PRDM16: variants seen among roughly 807,000 people sequenced by gnomAD.
The protein encoded by PRDM16 is histone-lysine N-methyltransferase PRDM16.
Under a neutral mutation model 110.6 loss-of-function variants are expected in PRDM16, and 23 were observed. The ratio of observed to expected loss-of-function variants is 0.21; its 90% CI spans 0.15 to 0.29. The LOEUF (loss-of-function observed/expected upper bound fraction) is 0.29. Ranked by LOEUF, PRDM16 falls within the 10% of genes least tolerant of loss-of-function variation. PRDM16 has a pLI of 1.00. For missense variants in PRDM16, 1,615 were observed against 1,794.3 expected, an observed-to-expected ratio of 0.90 and a Z score of 1.81; for synonymous variants, 799 against 781.8, an observed-to-expected ratio of 1.02 and a Z score of -0.37.
At chr1:3,144,074 ACT>A (rs1379143893) in intron 1 of PRDM16, among the ~76,000 whole-genome samples, 7 of 151,902 alleles carry the variant, frequency 4.6e-5, no homozygotes, top group African/African-American at 1.7e-4. Flanking sequence ...CCCTCCCATG[ACT>A]CTACAGGCCT....
intron 9 of PRDM16, among the ~76,000 whole-genome samples, chr1:3,413,592 G>A (rs1643731367): frequency 6.6e-6 from 1 of 152,200 alleles, no homozygotes; most frequent in Middle Eastern, 3.2e-3. Context: ...CAAGGAGACA[G>A]GCAGGAGACC....
intron 1 of PRDM16, among the ~76,000 whole-genome samples, chr1:3,096,063 C>T (rs1013152080): frequency 2.6e-5 from 4 of 152,152 alleles, no homozygotes. Flanking sequence ...ACAGTCCTGG[C>T]TGCCTGTCAC....
At chr1:3,205,170 C>T (rs1204723415) in intron 2 of PRDM16, among the ~76,000 whole-genome samples, 1 of 150,980 alleles carries the variant, frequency 6.6e-6, no homozygotes, top group African/African-American at 2.4e-5. Flanking sequence ...AGCCGGGGGG[C>T]CAGGGGCAGA....
rs761078027 is a variant in PRDM16 at position 3,426,076 on chromosome 1, G to A, written c.3135G>A (p.Thr1045=). The change falls in exon 14 of 17, where the codon ACG becomes ACA. Residue 1045 remains threonine (T), a synonymous_variant. Coordinates refer to ENST00000270722, the MANE Select transcript of PRDM16 (RefSeq NM_022114.4). ...TGAGCCAGCACCCCGGGGTCCTCAC[G>A]AACCACCTGGGGACCAGCGCGTCCT... ...APVSQHPGVL[T]NHLGTSASSP... is the part of the protein sequence containing the mutation. 1.4e-5 allele frequency: 22 copies of A among 1,613,434 alleles called. No homozygotes were observed. The African/African-American group carries it at 2.0e-4, about 15-fold the overall frequency.
Position 3,181,410 on chromosome 1 carries a change from GCA to G in PRDM16, c.38-4714_38-4713del, listed in dbSNP as rs200109436. ...CGGCCTTACGCATGGTCTTACACAC[GCA>G]GTCTTACACACGCGGTCTTACACAA... On this transcript the variant is annotated intron_variant, in intron 1 of 16. Transcript: ENST00000270722. Among the ~76,000 whole-genome samples the G allele has an allele frequency of 2.0e-4, 4 of 19,660 alleles. 1 individual carries two copies. The highest frequency in any genetic ancestry group is 6.3e-4 in the Non-Finnish European group (4 of 6,340). 12.9% of individuals were successfully genotyped at this position (19,660 alleles called of 152,430 possible).
chr1:3,418,328 A>G (rs2483230), intron 11 of PRDM16, among the ~76,000 whole-genome samples: 140,401 of 152,212 alleles, frequency 0.92, 64,908 homozygotes, highest in East Asian at 0.99. Context: ...AGCCTCAGCC[A>G]ATTTCTGCAG....
At chr1:3,422,021 C>G (rs1024969504) in intron 12 of PRDM16, among the ~76,000 whole-genome samples, 1 of 146,230 alleles carries the variant, frequency 6.8e-6, no homozygotes, top group Admixed American at 6.8e-5. Flanking sequence ...GGCAGGAAGG[C>G]AGACAGACAG....
At chr1:3,128,065 C>T (rs773107439) in intron 1 of PRDM16, 2 of 154,816 alleles carry the variant, frequency 1.3e-5, no homozygotes, top group Non-Finnish European at 2.9e-5. Flanking sequence ...GTATGAAAAT[C>T]TCCTCCCCTC....
chr1:3,405,300 C>T (rs191209256), intron 7 of PRDM16, among the ~76,000 whole-genome samples, 195 bp from the exon 8 acceptor site: 1 of 152,348 alleles, frequency 6.6e-6, no homozygotes, highest in Admixed American at 6.5e-5. Context: ...GCCGGGGAGG[C>T]TCTGCGGCTC....
chr1:3,336,192 T>C (rs956768996), intron 3 of PRDM16, among the ~76,000 whole-genome samples: 4 of 152,204 alleles, frequency 2.6e-5, no homozygotes, highest in African/African-American at 7.2e-5. Flanking sequence ...GACATGCATA[T>C]GTATCGGTGT....
intron 2 of PRDM16, among the ~76,000 whole-genome samples, chr1:3,225,571 T>TGCGC (rs1374895567): frequency 9.3e-6 from 1 of 107,588 alleles, no homozygotes; most frequent in African/African-American, 3.6e-5. Context: ...TGTGTGTGTG[T>TGCGC]GTGCGCGCGC....
At chr1:3,312,456 G>A (rs554337503) in intron 3 of PRDM16, among the ~76,000 whole-genome samples, 37 of 152,326 alleles carry the variant, frequency 2.4e-4, no homozygotes, top group Non-Finnish European at 4.7e-4. Context: ...GAGGCTGGCC[G>A]CCCACCCGCC....
In PRDM16 at chr1:3,157,455, G is replaced by T. The variant is rs1265196322; in HGVS notation, c.38-28670G>T. On this transcript the variant is annotated intron_variant, in intron 1 of 16. Coordinates refer to ENST00000270722, the MANE Select transcript of PRDM16 (RefSeq NM_022114.4). This position sits in a 1 kb window ranked among gnomAD's most constrained non-coding sequence, Gnocchi z 4.8. ...AAAAAAAAAAAAACACCTTTGTGGGGGCTGGGGGTTGATTGTCTCTTGAAA... is the reference window on the plus strand; with the variant it reads ...AAAAAAAAAAAAACACCTTTGTGGGTGCTGGGGGTTGATTGTCTCTTGAAA... Among the ~76,000 whole-genome samples, 1 of 150,772 alleles carries T rather than the reference G, an allele frequency of 6.6e-6. No homozygotes were observed. Among genetic ancestry groups the T allele is most frequent in the African/African-American group, 2.4e-5 (1 of 40,828 alleles).
rs142572507 is a variant in PRDM16, at chr1:3,117,164, G to A, written c.37+47868G>A. 3.9e-5 allele frequency among the ~76,000 whole-genome samples: 6 copies of A among 152,302 alleles called. No individual in the cohort carries two copies. The East Asian group carries it at 7.7e-4, about 20-fold the overall frequency. ...CCGGCTGTTTCGGCTCCCATCAGCC[G>A]GGATCATTCATCTCTGGTTTCTTGT... On this transcript the variant is annotated intron_variant, in intron 1 of 16. Transcript: ENST00000270722.
intron 1 of PRDM16, among the ~76,000 whole-genome samples, chr1:3,089,539 A>G (rs537081968): frequency 1.1e-4 from 16 of 152,372 alleles, no homozygotes; most frequent in African/African-American, 3.8e-4. Context: ...CCCGCCAAGC[A>G]TCTCCAGGCC....
rs1557648052 is a variant in PRDM16, at chr1:3,390,104, T to A, written c.573+4818T>A. Among the ~76,000 whole-genome samples, 1 of 152,160 alleles carries A rather than the reference T, an allele frequency of 6.6e-6. No individual in the cohort carries two copies. The highest frequency in any genetic ancestry group is 1.5e-5 in the Non-Finnish European group (1 of 68,032). On this transcript the variant is annotated intron_variant, in intron 4 of 16. Coordinates refer to ENST00000270722, the MANE Select transcript of PRDM16 (RefSeq NM_022114.4). This position sits in a 1 kb window ranked among gnomAD's most constrained non-coding sequence, Gnocchi z 5.0. ...ACACAGACAGGGACAGTTCCTGAATTTGTTTTAACGTGAAGAAAGAAAACA... is the reference window on the plus strand; with the variant it reads ...ACACAGACAGGGACAGTTCCTGAATATGTTTTAACGTGAAGAAAGAAAACA...
At chr1:3,276,584 T>C (rs923450207) in intron 3 of PRDM16, among the ~76,000 whole-genome samples, 4 of 149,108 alleles carry the variant, frequency 2.7e-5, no homozygotes, top group African/African-American at 5.1e-5. Flanking sequence ...TCCCAGCCCA[T>C]GGCCTAGAGG....
At position 3,371,963 on chromosome 1, in the gene PRDM16, GCACTGGCCTCTC is replaced by G. The variant is rs374946894; in HGVS notation, c.439-13186_439-13175del. ...CACCTGTGGGCCTCAGCTCTGCATA[GCACTGGCCTCTC>G]CAGAGAATAAGCGGATGAGAAGACT... On this transcript the variant is annotated intron_variant, in intron 3 of 16. Transcript: ENST00000270722. Among the ~76,000 whole-genome samples, 1,063 of 152,376 alleles carry G rather than the reference GCACTGGCCTCTC, an allele frequency of 7.0e-3. 11 individuals carry two copies. The highest frequency in any genetic ancestry group is 0.025 in the African/African-American group (1,030 of 41,594).
At chr1:3,156,392 C>A (rs16823409) in intron 1 of PRDM16, among the ~76,000 whole-genome samples, 1 of 152,054 alleles carries the variant, frequency 6.6e-6, no homozygotes, top group South Asian at 2.1e-4. Context: ...TCTCTGCCTG[C>A]GGAGGTAAAA....
Sources: allele counts gnomAD v4.1 joint callset (sites outside exome capture counted in the v4.1 genomes callset), GRCh38; gene constraint gnomAD v4.1.1; non-coding constraint Gnocchi (gnomAD v3.1); transcripts MANE v1.5; gene names NCBI Gene and HGNC (gene_info 2026-07-23, HGNC 2026-07-21).